Variants in TDRD5 observed in about 807,000 individuals in gnomAD.
TDRD5 encodes the protein tudor domain containing 5.
TDRD5 carries 41 observed loss-of-function variants against 120.6 expected under a neutral mutation model. The ratio of observed to expected loss-of-function variants is 0.34; its 90% CI spans 0.26 to 0.44. TDRD5 has a LOEUF of 0.44. Ranked by LOEUF, TDRD5 falls within the 20% of genes least tolerant of loss-of-function variation. The pLI, the probability that TDRD5 is intolerant of heterozygous loss-of-function variation, is 1.00. For synonymous variants in TDRD5, 430 were observed against 433.7 expected, an observed-to-expected ratio of 0.99 and a Z score of 0.11; for missense variants, 1,006 against 1,221.2, an observed-to-expected ratio of 0.82 and a Z score of 2.63.
At chr1:179,639,110 A>G (rs1402296390) in intron 9 of TDRD5, among the ~76,000 whole-genome samples, 1 of 152,260 alleles carries the variant, frequency 6.6e-6, no homozygotes, top group Non-Finnish European at 1.5e-5. Flanking sequence ...GGTATAAGAC[A>G]TGAAAATGGG....
In TDRD5 at chr1:179,615,595, G is replaced by T. The variant is rs764493292; in HGVS notation, c.832-3004G>T. On this transcript the variant is annotated intron_variant, in intron 4 of 17. Coordinates refer to ENST00000444136, the MANE Select transcript of TDRD5 (RefSeq NM_001199085.3). ...CCCCATTCTTCATGTTTGATGTATAGCATCTGACACTAAAAGCGTTGTTGA... is the reference window on the plus strand; with the variant it reads ...CCCCATTCTTCATGTTTGATGTATATCATCTGACACTAAAAGCGTTGTTGA... Among the ~76,000 whole-genome samples, 100 of 151,860 alleles carry T rather than the reference G, an allele frequency of 6.6e-4. 1 individual carries two copies. Among genetic ancestry groups the T allele is most frequent in the Admixed American group, 5.8e-3 (88 of 15,210 alleles).
intron 17 of TDRD5, among the ~76,000 whole-genome samples, chr1:179,685,177 G>C (rs1572447441): frequency 6.6e-6 from 1 of 152,158 alleles, no homozygotes; most frequent in East Asian, 1.9e-4. Context: ...ATGGTTTTAG[G>C]TCAAATATTT....
chr1:179,650,947 T>C lies in TDRD5; in HGVS notation c.1881T>C (p.Tyr627=), dbSNP rs1179946453. 1.9e-6 allele frequency: 3 copies of C among 1,614,190 alleles called. No individual in the cohort carries two copies. The highest frequency in any genetic ancestry group is 2.5e-6 in the Non-Finnish European group (3 of 1,180,038). ...CATTAGTGGGGGTAGTGGATGAATA[T>C]GTAGATGGAATCCTTAACATTTTTT... ...LKPLVGVVDE[Y]VDGILNIFLC... The change falls in exon 12 of 18, where the codon TAT becomes TAC. Residue 627 remains tyrosine, a synonymous_variant. Transcript: ENST00000444136.
intron 9 of TDRD5, among the ~76,000 whole-genome samples, chr1:179,639,068 T>C (rs1002629149): frequency 5.9e-5 from 9 of 152,208 alleles, no homozygotes; most frequent in African/African-American, 2.2e-4. Context: ...CTTCTAGAGA[T>C]AGATTGAGAA....
In TDRD5 at chr1:179,691,042, G is replaced by A. The variant is rs1283353961; in HGVS notation, c.*99G>A. ...AGTTATTGAAGCAAAATAGTATCTTGATCATTGATACTTTTGTCTTTCTGT... is the reference window on the plus strand; with the variant it reads ...AGTTATTGAAGCAAAATAGTATCTTAATCATTGATACTTTTGTCTTTCTGT... On this transcript the variant is annotated 3_prime_UTR_variant, in exon 18 of 18. Transcript: ENST00000444136. 9.8e-6 allele frequency: 14 copies of A among 1,433,328 alleles called. No individual in the cohort carries two copies. The South Asian group carries it at 1.9e-4, about 19-fold the overall frequency. The allele number at this position is 1,433,328 out of a possible 1,614,324, so 88.8% of individuals were successfully genotyped here.
At position 179,618,626 on chromosome 1, in the gene TDRD5, G is replaced by T; in HGVS notation, c.859G>T (p.Ala287Ser). The T allele has an allele frequency of 6.3e-7, 1 of 1,594,326 alleles. No homozygotes were observed. The highest frequency in any genetic ancestry group is 8.5e-7 in the Non-Finnish European group (1 of 1,172,162). ...GGAGAACACATTCAAATCAGTTATT[G>T]CACAGATTGGACCTGGAGGAACTAT... ...QLENTFKSVIAQIGPGGTISS... is the reference protein window; with the variant it reads ...QLENTFKSVISQIGPGGTISS... Residue 287 changes from alanine (A) to serine (S), a missense_variant, in exon 5 of 18, where the codon GCA (alanine) becomes TCA (serine). Physicochemically the swap from Ala to Ser is moderately conservative, Grantham distance 99. Around this residue, in one of 3 missense-constraint regions of TDRD5, gnomAD observed 445 missense variants for 515.5 expected, o/e 0.86. Coordinates refer to ENST00000444136, the MANE Select transcript of TDRD5 (RefSeq NM_001199085.3).
rs531766407 is a variant in TDRD5 at position 179,614,225 on chromosome 1, G to A, written c.832-4374G>A. On this transcript the variant is annotated intron_variant, in intron 4 of 17. Transcript: ENST00000444136. ...TTAAAATCATTCTGGTTCTTAGTTT[G>A]TGACCTGCTTTTTTTCCTCTTATGC... 1.1e-4 allele frequency among the ~76,000 whole-genome samples: 17 copies of A among 152,228 alleles called. No individual in the cohort carries two copies. In the South Asian group the frequency reaches 3.5e-3, roughly 32 times the overall value.
At chr1:179,636,705 T>C (rs750367982) in intron 9 of TDRD5, among the ~76,000 whole-genome samples, 2 of 152,262 alleles carry the variant, frequency 1.3e-5, no homozygotes, top group Admixed American at 6.5e-5. Flanking sequence ...CACATTAATA[T>C]CATCACTGAT....
rs1464913823 is a variant in TDRD5 at position 179,593,448 on chromosome 1, T to A, written c.233-12T>A. 4 of 1,605,992 alleles carry A rather than the reference T, an allele frequency of 2.5e-6. No individual in the cohort carries two copies. The highest frequency in any genetic ancestry group is 3.4e-6 in the Non-Finnish European group (4 of 1,174,448). On this transcript the variant is annotated splice_polypyrimidine_tract_variant and intron_variant, in intron 2 of 17. Transcript: ENST00000444136. ...TTCCTCCTAAATATGATTTCTATTT[T>A]TCACGTCTCAGCCATTCCAGATGAA... is the stretch of plus-strand genomic sequence containing the variant.
chr1:179,625,999 G>A (rs1677104981), intron 6 of TDRD5, among the ~76,000 whole-genome samples: 1 of 151,806 alleles, frequency 6.6e-6, no homozygotes, highest in Non-Finnish European at 1.5e-5. Context: ...TCACTCATAG[G>A]TGGGAATTGA....
intron 6 of TDRD5, among the ~76,000 whole-genome samples, chr1:179,628,966 G>T (rs904009167): frequency 1.6e-4 from 24 of 150,906 alleles, no homozygotes; most frequent in African/African-American, 5.8e-4. Flanking sequence ...TAACTGAAGT[G>T]TTTATTTTTA....
At chr1:179,686,355 G>A (rs2147821683) in intron 17 of TDRD5, among the ~76,000 whole-genome samples, 1 of 152,290 alleles carries the variant, frequency 6.6e-6, no homozygotes, top group East Asian at 1.9e-4. Flanking sequence ...TTATTGATTT[G>A]CATATGTTGA....
intron 4 of TDRD5, among the ~76,000 whole-genome samples, chr1:179,599,866 CATAGTGCAATG>C (rs1264733670): frequency 1.3e-5 from 2 of 152,116 alleles, no homozygotes; most frequent in African/African-American, 4.8e-5. Flanking sequence ...GTTGTAACAA[CATAGTGCAATG>C]CAACACTTAC....
rs186314326 is a variant in TDRD5, at chr1:179,644,861, C to A, written c.1800+4416C>A. Among the ~76,000 whole-genome samples, 337 of 151,618 alleles carry A rather than the reference C, an allele frequency of 2.2e-3. 6 individuals carry two copies. The highest frequency in any genetic ancestry group is 7.7e-3 in the African/African-American group (319 of 41,382). The stretch of plus-strand genomic sequence containing the variant: ...TATTTCTGTCTTATTTTTACTATTT[C>A]CTTAATTCTACTTTCTTTGGGTTTA... On this transcript the variant is annotated intron_variant, in intron 11 of 17. Transcript: ENST00000444136.
intron 13 of TDRD5, 103 bp from the exon 14 acceptor site, chr1:179,654,098 G>A: frequency 1.1e-6 from 1 of 920,032 alleles, no homozygotes. Context: ...TGTAGCATTT[G>A]TGTGAACCAT....
At chr1:179,622,064 G>A (rs1676873014) in intron 6 of TDRD5, among the ~76,000 whole-genome samples, 1 of 152,162 alleles carries the variant, frequency 6.6e-6, no homozygotes. Context: ...AGTATGTTAG[G>A]TCAAGATAAT....
At chr1:179,666,730 C>T (rs945251639) in intron 16 of TDRD5, among the ~76,000 whole-genome samples, 1 of 152,162 alleles carries the variant, frequency 6.6e-6, no homozygotes, top group East Asian at 1.9e-4. Context: ...GGATATTTTC[C>T]AGAGCAGTGG....
intron 4 of TDRD5, among the ~76,000 whole-genome samples, chr1:179,601,088 A>G (rs991326190): frequency 2.0e-5 from 3 of 152,208 alleles, no homozygotes; most frequent in Non-Finnish European, 4.4e-5. Flanking sequence ...ATATTTGAGT[A>G]TAATATTCTA....
intron 16 of TDRD5, among the ~76,000 whole-genome samples, chr1:179,665,152 A>G (rs1319502885): frequency 4.6e-5 from 7 of 152,280 alleles, no homozygotes; most frequent in Middle Eastern, 3.4e-3. Flanking sequence ...AAAATATCAT[A>G]TTACAAGTCC....
Sources: gnomAD v4.1 joint callset for allele counts (sites outside exome capture counted in the v4.1 genomes callset) on GRCh38, gnomAD v4.1.1 for gene constraint, gnomAD v4.1.1 regional missense constraint, MANE v1.5 for transcripts, NCBI Gene and HGNC (gene_info 2026-07-23, HGNC 2026-07-21) for gene names.